MCF2: variants seen among roughly 807,000 people sequenced by gnomAD.
The protein encoded by MCF2 is MCF.2 cell line derived transforming sequence, also known as proto-oncogene DBL.
MCF2 carries 44 observed loss-of-function variants against 82.5 expected under a neutral mutation model. The observed-to-expected ratio is 0.53, with a 90% confidence interval of 0.42 to 0.69. The LOEUF is 0.69. Among genes scored for constraint, MCF2 ranks in the 30% least tolerant of loss-of-function variants. MCF2 has a pLI of 0.00. For missense variants in MCF2, 623 were observed against 663.1 expected, an observed-to-expected ratio of 0.94 and a Z score of 0.66; for synonymous variants, 217 against 224.9, an observed-to-expected ratio of 0.96 and a Z score of 0.32.
chrX:139,589,775 T>C, intron 20 of MCF2, 60 bp downstream of exon 24: 1 of 809,647 alleles, frequency 1.2e-6, no homozygotes, highest in East Asian at 3.2e-5. Flanking sequence ...TGTTTATAAA[T>C]TCGGGCTTTT....
intron 1 of MCF2, among the ~76,000 whole-genome samples, chrX:139,656,831 G>T (rs1345704216): frequency 1.8e-5 from 2 of 112,072 alleles, no homozygotes; most frequent in Non-Finnish European, 3.8e-5. Flanking sequence ...CCTTTTAAAT[G>T]CATTCACTTA....
At chrX:139,619,655 C>T (rs1932186170) in exon 7 of MCF2, 1 of 1,182,054 alleles carries the variant, frequency 8.5e-7, no homozygotes, top group South Asian at 1.9e-5. Flanking sequence ...GTCCCTGTTA[C>T]ATCAGCCAGT....
In MCF2 at chrX:139,626,757, C is replaced by G; in HGVS notation, c.439-1G>C. 8.3e-7 allele frequency: 1 copy of G among 1,207,049 alleles called. No individual in the cohort carries two copies. Among genetic ancestry groups the G allele is most frequent in the Non-Finnish European group, 1.1e-6 (1 of 892,039 alleles). Reference sequence around the variant, plus strand: ...CTTTGGTTACAGCTGTAATATCATTCTGTCCAAAGACACAAAAGGAGTATC... The same window carrying G: ...CTTTGGTTACAGCTGTAATATCATTGTGTCCAAAGACACAAAAGGAGTATC... On this transcript the variant is annotated splice_acceptor_variant, in intron 4 of 24. Transcript: ENST00000370576. LOFTEE classifies it high-confidence loss of function.
chrX:139,632,415 G>A (rs747639067), exon 2 of MCF2: 5 of 1,205,304 alleles, frequency 4.1e-6, no homozygotes, highest in East Asian at 5.9e-5. Flanking sequence ...CTGGTAGGAC[G>A]TAAAACCAAA....
intron 1 of MCF2, among the ~76,000 whole-genome samples, chrX:139,701,002 G>A (rs989203348): frequency 1.6e-4 from 18 of 111,349 alleles, no homozygotes; most frequent in African/African-American, 4.9e-4. Flanking sequence ...AGTCCCTCCT[G>A]CCTCCCCAGA....
At chrX:139,665,897 G>GTATATATATATA (rs761065038) in intron 1 of MCF2, among the ~76,000 whole-genome samples, 30 of 68,581 alleles carry the variant, frequency 4.4e-4, no homozygotes, top group Non-Finnish European at 5.9e-4. Context: ...AGGTGTGTGT[G>GTATATATATATA]TATATATATA....
At chrX:139,642,700 A>T in exon 1 of MCF2, 2 of 1,076,820 alleles carry the variant, frequency 1.9e-6, no homozygotes, top group Non-Finnish European at 2.4e-6. Flanking sequence ...AAAAAAAACC[A>T]CTATCCCTGA....
chrX:139,655,207 C>T (rs779664990), intron 1 of MCF2, among the ~76,000 whole-genome samples: 6 of 111,843 alleles, frequency 5.4e-5, no homozygotes, highest in South Asian at 3.8e-4. Context: ...GAGATTGCAT[C>T]GAATCTGTAA....
At chrX:139,655,456 T>C (rs1934163243) in intron 1 of MCF2, among the ~76,000 whole-genome samples, 1 of 112,153 alleles carries the variant, frequency 8.9e-6, no homozygotes, top group South Asian at 3.7e-4. Context: ...TAAATGCTAC[T>C]GACTTTTGTA....
At chrX:139,647,257 T>A (rs1933832631), upstream of MCF2, among the ~76,000 whole-genome samples, 3 of 111,718 alleles carry the variant, frequency 2.7e-5, no homozygotes. Flanking sequence ...AAATTTAAAA[T>A]GAGTGAATGA....
chrX:139,656,957 G>A (rs769952176), intron 1 of MCF2, among the ~76,000 whole-genome samples: 2 of 111,924 alleles, frequency 1.8e-5, no homozygotes, highest in East Asian at 5.6e-4. Context: ...GTCTCATGTA[G>A]AAAACTCAAC....
In MCF2 at chrX:139,598,363, G is replaced by C. The variant is rs1471062418; in HGVS notation, c.1929+43C>G. The stretch of plus-strand genomic sequence containing the variant: ...CCTTTTTAATGGCTCTGTCATATCT[G>C]ACTCAAAAAGTAAAGAAACAAACAA... On this transcript the variant is annotated intron_variant, in intron 17 of 24. Transcript: ENST00000370576. 3.4e-6 allele frequency: 3 copies of C among 876,891 alleles called. No individual in the cohort carries two copies. In the African/African-American group the frequency reaches 6.0e-5, roughly 18 times the overall value. The allele number at this position is 876,891 out of a possible 1,213,427, so 72.3% of individuals were successfully genotyped here.
At chrX:139,591,509 C>A (rs1929515891) in intron 19 of MCF2, among the ~76,000 whole-genome samples, 1 of 111,164 alleles carries the variant, frequency 9.0e-6, no homozygotes, top group African/African-American at 3.3e-5. Flanking sequence ...ATAATAAACA[C>A]ATGAACTAAG....
intron 1 of MCF2, among the ~76,000 whole-genome samples, chrX:139,666,009 C>T (rs1331641999): frequency 9.8e-6 from 1 of 101,592 alleles, no homozygotes; most frequent in Non-Finnish European, 2.0e-5. Context: ...ACACAAGGCA[C>T]ATGAGATATT....
chrX:139,614,749 T>C (rs1931765849), intron 10 of MCF2, 132 bp downstream of exon 13: 7 of 603,734 alleles, frequency 1.2e-5, no homozygotes, highest in Non-Finnish European at 1.8e-5. Flanking sequence ...TTGCACAATA[T>C]AAATATGACC....
rs774023409 is a variant in MCF2, at chrX:139,696,450, G to A, written c.-45+11656C>T. Among the ~76,000 whole-genome samples the A allele has an allele frequency of 1.9e-3, 204 of 108,669 alleles. 1 individual carries two copies. Among genetic ancestry groups the A allele is most frequent in the African/African-American group, 6.5e-3 (194 of 29,823 alleles). The allele number at this position is 108,669 out of a possible 115,157, so 94.4% of individuals were successfully genotyped here. A position where few individuals can be genotyped will look rare whatever the true frequency, so the allele number is the denominator to read the frequency against. ...GTCTTTTGTTTTTGTTTGAGACAGAGTCTTGCTCTGTCACCCAGGCTGGAG... is the reference window on the plus strand; with the variant it reads ...GTCTTTTGTTTTTGTTTGAGACAGAATCTTGCTCTGTCACCCAGGCTGGAG... On this transcript the variant is annotated intron_variant, in intron 1 of 27. Transcript: ENST00000414978.
intron 1 of MCF2, among the ~76,000 whole-genome samples, chrX:139,701,493 T>C (rs906444986): frequency 8.9e-6 from 1 of 112,180 alleles, no homozygotes; most frequent in Non-Finnish European, 1.9e-5. Context: ...AAAATTTCCC[T>C]GAAGGAGAAG....
chrX:139,615,110 C>A, intron 9 of MCF2, 58 bp from the exon 13 acceptor site: 1 of 885,832 alleles, frequency 1.1e-6, no homozygotes, highest in South Asian at 2.6e-5. Context: ...ATTACAAACC[C>A]CATTACATTT....
Position 139,597,382 on chromosome X carries a change from C to T in MCF2, c.2055+78G>A, listed in dbSNP as rs1930192458. The T allele has an allele frequency of 1.8e-5, 13 of 740,614 alleles. No homozygotes were observed. The South Asian group carries it at 2.1e-4, about 12-fold the overall frequency. The allele number at this position is 740,614 out of a possible 1,213,427, so 61.0% of individuals were successfully genotyped here. A position where few individuals can be genotyped will look rare whatever the true frequency, so the allele number is the denominator to read the frequency against. On this transcript the variant is annotated intron_variant, in intron 18 of 24. Coordinates refer to ENST00000370576, the Ensembl canonical transcript of MCF2. ...TATCTGATTCTTATACGTTATTTCTCAATTGGTTCCAGGAGGGGAAAAGGG... is the reference window on the plus strand; with the variant it reads ...TATCTGATTCTTATACGTTATTTCTTAATTGGTTCCAGGAGGGGAAAAGGG...
Sources: allele counts gnomAD v4.1 joint callset (sites outside exome capture counted in the v4.1 genomes callset), GRCh38; gene constraint gnomAD v4.1.1; transcripts MANE v1.5; gene names NCBI Gene and HGNC (gene_info 2026-07-23, HGNC 2026-07-21).